SUPT20H: variants seen among roughly 807,000 people sequenced by gnomAD.
The protein encoded by SUPT20H is SPT20 homolog, SAGA complex component.
SUPT20H carries 82 observed loss-of-function variants against 122.8 expected under a neutral mutation model. That is an observed-to-expected ratio of 0.67 (90% CI 0.56 to 0.80). The LOEUF (loss-of-function observed/expected upper bound fraction) is 0.80. SUPT20H is among the 30% of genes least tolerant of loss of function. The pLI is 0.00. For synonymous variants in SUPT20H, 291 were observed against 313.0 expected, an observed-to-expected ratio of 0.93 and a Z score of 0.74; for missense variants, 831 against 921.6, an observed-to-expected ratio of 0.90 and a Z score of 1.27.
chr13:37,028,108 A>T, intron 14 of SUPT20H, 40 bp downstream of exon 14: 1 of 1,167,554 alleles, frequency 8.6e-7, no homozygotes. Flanking sequence ...TTGGTGCCTT[A>T]TTTTTTTTTT....
chr13:37,048,625 G>A, intron 2 of SUPT20H, 26 bp from the exon 3 acceptor site: 2 of 1,580,666 alleles, frequency 1.3e-6, no homozygotes, highest in Non-Finnish European at 1.7e-6. Context: ...AGTATATTTG[G>A]TAATATTAGT....
intron 24 of SUPT20H, among the ~76,000 whole-genome samples, chr13:37,011,090 C>A (rs1162172571): frequency 6.6e-6 from 1 of 152,016 alleles, no homozygotes; most frequent in Non-Finnish European, 1.5e-5. Context: ...TCAGACTACT[C>A]TACTAACAAT....
chr13:37,011,705 TG>T (rs1421989492), intron 24 of SUPT20H, among the ~76,000 whole-genome samples: 2 of 152,178 alleles, frequency 1.3e-5, no homozygotes, highest in African/African-American at 2.4e-5. Flanking sequence ...CATTTACTGC[TG>T]GAAGTGTTGA....
chr13:37,058,048 G>C (rs1227262071), intron 1 of SUPT20H, among the ~76,000 whole-genome samples: 1 of 148,662 alleles, frequency 6.7e-6, no homozygotes, highest in African/African-American at 2.5e-5. Context: ...TGGGTCACTT[G>C]AGGTCAGGAA....
intron 23 of SUPT20H, among the ~76,000 whole-genome samples, chr13:37,014,984 A>C (rs2139169644): frequency 6.6e-6 from 1 of 152,314 alleles, no homozygotes; most frequent in East Asian, 1.9e-4. Flanking sequence ...CAGATTTCTC[A>C]AAAACATATA....
intron 6 of SUPT20H, 70 bp downstream of exon 6, chr13:37,045,177 T>C: frequency 6.3e-7 from 1 of 1,592,484 alleles, no homozygotes; most frequent in Admixed American, 1.8e-5. Flanking sequence ...GTTAAAAAAC[T>C]ACTTTAAAAA....
intron 1 of SUPT20H, among the ~76,000 whole-genome samples, chr13:37,052,817 G>C (rs2052523963): frequency 6.6e-6 from 1 of 151,946 alleles, no homozygotes; most frequent in Non-Finnish European, 1.5e-5. Context: ...AATCTACAAA[G>C]AACTTAAATT....
At chr13:37,041,769 G>A (rs1039098618) in intron 7 of SUPT20H, among the ~76,000 whole-genome samples, 4 of 152,166 alleles carry the variant, frequency 2.6e-5, no homozygotes, top group Admixed American at 2.6e-4. Context: ...CAGCTTCACA[G>A]ATACAGTAGT....
chr13:37,031,162 A>G (rs1010151176), intron 12 of SUPT20H, among the ~76,000 whole-genome samples: 1 of 152,082 alleles, frequency 6.6e-6, no homozygotes. Flanking sequence ...TTTTATGTCA[A>G]ATAATATTAT....
chr13:37,058,308 CA>C (rs1357105430), intron 1 of SUPT20H, among the ~76,000 whole-genome samples: 4 of 152,096 alleles, frequency 2.6e-5, no homozygotes, highest in Admixed American at 2.6e-4. Flanking sequence ...AACACAAACA[CA>C]AGCACCATAC....
intron 2 of SUPT20H, among the ~76,000 whole-genome samples, chr13:37,048,978 T>C (rs2067066083): frequency 6.6e-6 from 1 of 152,146 alleles, no homozygotes; most frequent in Non-Finnish European, 1.5e-5. Context: ...TCTCCTCATC[T>C]GCTAAAAATC....
At chr13:37,049,487 C>T (rs2067186385) in intron 2 of SUPT20H, among the ~76,000 whole-genome samples, 2 of 152,108 alleles carry the variant, frequency 1.3e-5, no homozygotes, top group South Asian at 2.1e-4. Flanking sequence ...TGCCTGTAAT[C>T]CCAGCACTTT....
intron 1 of SUPT20H, among the ~76,000 whole-genome samples, chr13:37,057,524 TAAA>T (rs35735192): frequency 2.7e-4 from 29 of 108,404 alleles, no homozygotes; most frequent in Admixed American, 4.1e-4. Flanking sequence ...GCCAAGCCAT[TAAA>T]AAAAAAAAAA....
In SUPT20H at chr13:37,009,643, T is replaced by C; in HGVS notation, c.*29A>G. ...TTTTGATTCAGTGCTCTTGTGTTTT[T>C]AAAAAAGGAACAAAAAGTAATGCAA... On this transcript the variant is annotated 3_prime_UTR_variant, in exon 26 of 26. Coordinates refer to ENST00000350612, the MANE Select transcript of SUPT20H (RefSeq NM_001014286.3). The C allele has an allele frequency of 6.2e-7, 1 of 1,612,874 alleles. No individual in the cohort carries two copies. The highest frequency in any genetic ancestry group is 8.5e-7 in the Non-Finnish European group (1 of 1,179,522).
chr13:37,032,029 A>G lies in SUPT20H; in HGVS notation c.708-134T>C. On this transcript the variant is annotated intron_variant, in intron 10 of 25. Transcript: ENST00000350612. ...ACTGCCACATGCCAAGCACAGTCCT[A>G]GGAACTAGGACTAGGTGAAATAAAA... The G allele has an allele frequency of 3.0e-6, 2 of 663,130 alleles. 1 individual carries two copies. Among genetic ancestry groups the G allele is most frequent in the Non-Finnish European group, 4.7e-6 (2 of 428,410 alleles). The allele number at this position is 663,130 out of a possible 1,614,324, so 41.1% of individuals were successfully genotyped here. A position where few individuals can be genotyped will look rare whatever the true frequency, so the allele number is the denominator to read the frequency against.
In SUPT20H at chr13:37,022,796, T is replaced by G; in HGVS notation, c.1592-716A>C. The stretch of plus-strand genomic sequence containing the variant: ...TGGCACCTAAATATACATGTTTAAT[T>G]CCTAACACATCAAGTTTATCCTGAC... On this transcript the variant is annotated intron_variant, in intron 19 of 25. Transcript: ENST00000350612. This position sits in a 1 kb window ranked among gnomAD's most constrained non-coding sequence, Gnocchi z 4.5. 1.9e-6 allele frequency: 2 copies of G among 1,048,236 alleles called. No homozygotes were observed. The highest frequency in any genetic ancestry group is 3.1e-5 in the South Asian group (1 of 31,872). The allele number at this position is 1,048,236 out of a possible 1,614,324, so 64.9% of individuals were successfully genotyped here.
intron 14 of SUPT20H, 111 bp from the exon 15 acceptor site, chr13:37,026,927 A>C (rs953644304): frequency 1.1e-5 from 7 of 665,166 alleles, no homozygotes; most frequent in Non-Finnish European, 1.6e-5. Context: ...GAAGATAATA[A>C]ATCATGCAGC....
intron 10 of SUPT20H, among the ~76,000 whole-genome samples, chr13:37,032,408 A>G (rs1262615939): frequency 6.6e-6 from 1 of 152,222 alleles, no homozygotes; most frequent in Non-Finnish European, 1.5e-5. Flanking sequence ...AAAGCTGAAT[A>G]AACAGAAAAA....
chr13:37,049,083 T>G (rs894931248), intron 2 of SUPT20H, among the ~76,000 whole-genome samples: 1 of 152,130 alleles, frequency 6.6e-6, no homozygotes, highest in Admixed American at 6.5e-5. Flanking sequence ...TCTAGCTCAG[T>G]GCCTAGAAAG....
Sources: gnomAD v4.1 joint callset for allele counts (sites outside exome capture counted in the v4.1 genomes callset) on GRCh38, gnomAD v4.1.1 for gene constraint, Gnocchi (gnomAD v3.1) non-coding constraint, MANE v1.5 for transcripts, NCBI Gene and HGNC (gene_info 2026-07-23, HGNC 2026-07-21) for gene names.